PCDH11X: variants seen among roughly 807,000 people sequenced by gnomAD.
PCDH11X encodes protocadherin 11 X-linked.
PCDH11X carries 18 observed loss-of-function variants against 53.3 expected under a neutral mutation model. That is an observed-to-expected ratio of 0.34 (90% confidence interval 0.23 to 0.50). The LOEUF (loss-of-function observed/expected upper bound fraction) is 0.50. Among genes scored for constraint, PCDH11X ranks in the 20% least tolerant of loss-of-function variants. The pLI, the probability that PCDH11X is intolerant of heterozygous loss-of-function variation, is 0.98. For missense variants in PCDH11X, 570 were observed against 1,032.4 expected (o/e 0.55, Z 6.14); for synonymous variants, 279 against 393.3 (o/e 0.71, Z 3.44).
At chrX:92,594,421 T>G (rs1295468078) in intron 10 of PCDH11X, among the ~76,000 whole-genome samples, 5 of 110,988 alleles carry the variant, frequency 4.5e-5, no homozygotes, top group Non-Finnish European at 9.4e-5. Context: ...CTTTCTTTTT[T>G]GGGCTGTATT....
intron 6 of PCDH11X, among the ~76,000 whole-genome samples, chrX:91,956,793 T>C (rs1264699150): frequency 1.9e-5 from 2 of 107,894 alleles, no homozygotes; most frequent in African/African-American, 6.9e-5. Context: ...TGAATTTAAA[T>C]GTTGGCCTGT....
At chrX:91,889,451 T>A (rs1336605177) in intron 6 of PCDH11X, among the ~76,000 whole-genome samples, 2 of 111,138 alleles carry the variant, frequency 1.8e-5, no homozygotes, top group Admixed American at 9.6e-5. Flanking sequence ...CCTGAGGGAC[T>A]ATAGTCATGT....
intron 8 of PCDH11X, among the ~76,000 whole-genome samples, chrX:92,375,298 C>T (rs1421130426): frequency 1.1e-5 from 1 of 93,851 alleles, no homozygotes; most frequent in Non-Finnish European, 2.1e-5. Flanking sequence ...GCCTCAGCCT[C>T]CTGAGTAGCT....
At chrX:91,845,552 T>C (rs1027912833) in intron 5 of PCDH11X, among the ~76,000 whole-genome samples, 31 of 110,479 alleles carry the variant, frequency 2.8e-4, no homozygotes, top group African/African-American at 1.0e-3. Flanking sequence ...CCTTTTTAAC[T>C]AGAAGTACTC....
At chrX:91,820,154 C>T (rs1489609494) in intron 4 of PCDH11X, among the ~76,000 whole-genome samples, 2 of 92,954 alleles carry the variant, frequency 2.2e-5, no homozygotes, top group Non-Finnish European at 4.0e-5. Context: ...GTCTTTATAG[C>T]AGCATGATTT....
chrX:92,560,238 A>G (rs2075112870), intron 10 of PCDH11X, among the ~76,000 whole-genome samples: 1 of 110,028 alleles, frequency 9.1e-6, no homozygotes, highest in African/African-American at 3.3e-5. Flanking sequence ...GAAGGGAAGG[A>G]ACCAGTTCTG....
intron 8 of PCDH11X, among the ~76,000 whole-genome samples, chrX:92,320,475 A>G (rs6522520): frequency 0.12 from 13,575 of 110,123 alleles, 1,757 homozygotes; most frequent in African/African-American, 0.39. Flanking sequence ...AACTAAATCA[A>G]TAATATGAAG....
At chrX:92,577,540 C>G (rs1191546962) in intron 10 of PCDH11X, among the ~76,000 whole-genome samples, 2 of 105,259 alleles carry the variant, frequency 1.9e-5, no homozygotes, top group African/African-American at 6.9e-5. Context: ...TTTTTTCTAT[C>G]TTTTTCAGGT....
At chrX:92,561,504 T>C (rs1602335554) in intron 10 of PCDH11X, among the ~76,000 whole-genome samples, 1 of 87,730 alleles carries the variant, frequency 1.1e-5, no homozygotes, top group African/African-American at 4.1e-5. Flanking sequence ...AAAAATTCAA[T>C]TGACATACTG....
chrX:92,499,451 A>AC (rs202205061), intron 10 of PCDH11X, among the ~76,000 whole-genome samples: 6,432 of 87,199 alleles, frequency 0.074, 294 homozygotes, highest in African/African-American at 0.13. Flanking sequence ...TTTGAAAAAA[A>AC]AAAACAAAAA....
intron 10 of PCDH11X, among the ~76,000 whole-genome samples, chrX:92,521,267 C>T: frequency 8.9e-6 from 1 of 111,970 alleles, no homozygotes; most frequent in East Asian, 2.8e-4. Flanking sequence ...CAAAATTATT[C>T]TTTGATTCAT....
rs1189629646 is a variant in PCDH11X, at chrX:92,014,030, T to C, written c.3033+134757T>C. On this transcript the variant is annotated intron_variant, in intron 6 of 10. Coordinates refer to ENST00000682573, the MANE Select transcript of PCDH11X (RefSeq NM_032968.5). ...ATGGCAACAAAAGCCAAAATTGACATATGGGATCTAATTAAACTGAAGAAC... is the reference window on the plus strand; with the variant it reads ...ATGGCAACAAAAGCCAAAATTGACACATGGGATCTAATTAAACTGAAGAAC... Among the ~76,000 whole-genome samples the C allele has an allele frequency of 4.5e-5, 5 of 111,412 alleles. No individual in the cohort carries two copies. The East Asian group carries it at 1.4e-3, about 31-fold the overall frequency.
rs747802014 is a variant in PCDH11X at position 92,003,372 on chromosome X, A to G, written c.3033+124099A>G. 2.4e-3 allele frequency among the ~76,000 whole-genome samples: 263 copies of G among 110,220 alleles called. 1 individual carries two copies. Among genetic ancestry groups the G allele is most frequent in the African/African-American group, 8.4e-3 (255 of 30,326 alleles). On this transcript the variant is annotated intron_variant, in intron 6 of 10. Transcript: ENST00000682573. ...TTTATTGTGTCAGTCTGGTTTTGGTATCAGGGTAATACTGGACTCATAGAA... is the reference window on the plus strand; with the variant it reads ...TTTATTGTGTCAGTCTGGTTTTGGTGTCAGGGTAATACTGGACTCATAGAA...
chrX:91,964,472 C>T (rs1399829898), intron 6 of PCDH11X, among the ~76,000 whole-genome samples: 1 of 110,990 alleles, frequency 9.0e-6, no homozygotes, highest in Non-Finnish European at 1.9e-5. Context: ...GAATGCATGT[C>T]GTGTTAACAT....
chrX:91,926,924 A>G (rs943312756), intron 6 of PCDH11X, among the ~76,000 whole-genome samples: 14 of 110,945 alleles, frequency 1.3e-4, no homozygotes, highest in Non-Finnish European at 3.8e-5. Context: ...TTCTAGCTGT[A>G]ATTTTGTAAC....
intron 6 of PCDH11X, among the ~76,000 whole-genome samples, chrX:91,917,915 A>T (rs1941625475): frequency 9.5e-6 from 1 of 105,163 alleles, no homozygotes; most frequent in African/African-American, 3.4e-5. Flanking sequence ...TCACATTACT[A>T]GACTTCAAGC....
intron 6 of PCDH11X, among the ~76,000 whole-genome samples, chrX:92,102,544 C>T (rs1223831499): frequency 2.7e-5 from 3 of 111,137 alleles, no homozygotes; most frequent in Non-Finnish European, 5.6e-5. Flanking sequence ...AGAATTATGC[C>T]GAAATAGGTA....
At chrX:91,975,189 G>A (rs1221380906) in intron 6 of PCDH11X, among the ~76,000 whole-genome samples, 1 of 111,295 alleles carries the variant, frequency 9.0e-6, no homozygotes, top group East Asian at 2.8e-4. Context: ...CAATGAAGGT[G>A]GTGAAAAGTG....
intron 9 of PCDH11X, among the ~76,000 whole-genome samples, chrX:92,441,818 C>T (rs2072521869): frequency 9.0e-6 from 1 of 110,888 alleles, no homozygotes; most frequent in Non-Finnish European, 1.9e-5. Flanking sequence ...GTCCTTCAGA[C>T]CTTAGAATGG....
Sources: allele counts gnomAD v4.1 joint callset (sites outside exome capture counted in the v4.1 genomes callset), GRCh38; gene constraint gnomAD v4.1.1; transcripts MANE v1.5; gene names NCBI Gene and HGNC (gene_info 2026-07-23, HGNC 2026-07-21).